Variants in FBXO34 observed in about 807,000 individuals in gnomAD.
FBXO34 encodes the protein F-box only protein 34.
In FBXO34, 12 loss-of-function variants were observed where a neutral mutation model predicts 24.5. The ratio of observed to expected loss-of-function variants is 0.49; its 90% CI spans 0.31 to 0.79. The LOEUF (loss-of-function observed/expected upper bound fraction) is 0.79, where lower values mean the gene tolerates loss of function less well. Among genes scored for constraint, FBXO34 ranks in the 30% least tolerant of loss-of-function variants. The pLI is 0.04. For synonymous variants in FBXO34, 320 were observed against 311.9 expected, an observed-to-expected ratio of 1.03 and a Z score of -0.27; for missense variants, 823 against 857.7, an observed-to-expected ratio of 0.96 and a Z score of 0.51.
At chr14:55,415,212 A>G in the FBXO34 span, among the ~76,000 whole-genome samples, 2 of 152,232 alleles carry the variant, frequency 1.3e-5, no homozygotes, top group African/African-American at 4.8e-5. Context: ...TCAGGACACT[A>G]ATCAGTTAAT....
At chr14:55,374,184 G>C (rs1180734309), downstream of FBXO34, among the ~76,000 whole-genome samples, 4 of 151,994 alleles carry the variant, frequency 2.6e-5, no homozygotes, top group Non-Finnish European at 5.9e-5. Flanking sequence ...AACTTGTTTT[G>C]AATTGCATTT....
chr14:55,332,926 G>A (rs550686514), intron 1 of FBXO34, among the ~76,000 whole-genome samples: 1 of 152,184 alleles, frequency 6.6e-6, no homozygotes, highest in African/African-American at 2.4e-5. Context: ...ATCAGCTGGC[G>A]CATTAGCCCC....
downstream of FBXO34, chr14:55,369,962 A>G (rs960136941): frequency 6.5e-6 from 10 of 1,530,606 alleles, no homozygotes; most frequent in Middle Eastern, 8.8e-4. Flanking sequence ...TAGGATAACA[A>G]CCATTCTCAA....
rs58194693 is a variant in FBXO34, at chr14:55,338,048, C to CTTTTTTTTTTT, written c.-10-12324_-10-12314dup. Among the ~76,000 whole-genome samples, 531 of 88,222 alleles carry CTTTTTTTTTTT rather than the reference C, an allele frequency of 6.0e-3. 74 individuals carry two copies. Among genetic ancestry groups the CTTTTTTTTTTT allele is most frequent in the South Asian group, 0.01 (24 of 2,390 alleles). 57.9% of individuals were successfully genotyped at this position (88,222 alleles called of 152,430 possible). ...CAATTGGAGATAAGAGTATGTACTT[C>CTTTTTTTTTTT]TTTTTTTTTTTTTTTTTTTGAGATG... is the stretch of plus-strand genomic sequence containing the variant. On this transcript the variant is annotated intron_variant, in intron 1 of 1. Coordinates refer to ENST00000313833, the MANE Select transcript of FBXO34 (RefSeq NM_017943.4).
chr14:55,380,855 G>A, the FBXO34 span, among the ~76,000 whole-genome samples: 52,255 of 116,424 alleles, frequency 0.45, 13,102 homozygotes, highest in African/African-American at 0.68. Flanking sequence ...TTCTTTGTGT[G>A]TATATATATA....
At chr14:55,439,930 C>CAAAAAAAAAAAAAAAA in the FBXO34 span, among the ~76,000 whole-genome samples, 77 of 39,170 alleles carry the variant, frequency 2.0e-3, 2 homozygotes, top group South Asian at 2.3e-3. Flanking sequence ...GACTCTGTCT[C>CAAAAAAAAAAAAAAAA]AAAAAAAAAA....
chr14:55,436,800 T>C, the FBXO34 span: 2 of 1,614,222 alleles, frequency 1.2e-6, no homozygotes, highest in Non-Finnish European at 1.7e-6. Context: ...TTTCAGAATT[T>C]TCTTCAGTTT....
At chr14:55,418,490 C>T in the FBXO34 span, among the ~76,000 whole-genome samples, 13 of 152,086 alleles carry the variant, frequency 8.5e-5, no homozygotes, top group African/African-American at 2.9e-4. Flanking sequence ...AGCATTGCAC[C>T]GCTCAAGTTA....
chr14:55,414,597 G>A, the FBXO34 span: 1 of 613,538 alleles, frequency 1.6e-6, no homozygotes, highest in Non-Finnish European at 2.6e-6. Flanking sequence ...ATTTATTCCG[G>A]GTAAATAATT....
At chr14:55,273,174 G>T (rs1446768911) in intron 1 of FBXO34, among the ~76,000 whole-genome samples, 2 of 146,236 alleles carry the variant, frequency 1.4e-5, no homozygotes, top group Admixed American at 6.8e-5. Flanking sequence ...TAATGGTACG[G>T]TTTTTTTTTT....
At chr14:55,440,530 A>C in the FBXO34 span, 1 of 1,605,494 alleles carries the variant, frequency 6.2e-7, no homozygotes, top group South Asian at 1.1e-5. Context: ...CGCTCCGGCC[A>C]GGGCGCAGAG....
At chr14:55,299,704 AATAC>A (rs1436418748) in intron 1 of FBXO34, among the ~76,000 whole-genome samples, 1 of 152,234 alleles carries the variant, frequency 6.6e-6, no homozygotes, top group Non-Finnish European at 1.5e-5. Flanking sequence ...AAAATATTAA[AATAC>A]ATTCAAGTTT....
At chr14:55,374,852 T>C (rs1349098598), downstream of FBXO34, among the ~76,000 whole-genome samples, 1 of 152,332 alleles carries the variant, frequency 6.6e-6, no homozygotes, top group East Asian at 1.9e-4. Context: ...TTTCTTCCTC[T>C]AATCACTCCA....
At chr14:55,336,458 C>T (rs1255331538) in intron 1 of FBXO34, among the ~76,000 whole-genome samples, 1 of 152,168 alleles carries the variant, frequency 6.6e-6, no homozygotes. Flanking sequence ...AACTCCAAAT[C>T]GGACAGTTTG....
intron 3 of FBXO34, among the ~76,000 whole-genome samples, chr14:55,359,654 A>G (rs1884567376): frequency 6.6e-6 from 1 of 152,214 alleles, no homozygotes; most frequent in Non-Finnish European, 1.5e-5. Flanking sequence ...AGTTTGCTGT[A>G]TCGATTAACT....
chr14:55,329,260 C>G (rs1016296109), intron 1 of FBXO34, among the ~76,000 whole-genome samples: 1 of 151,834 alleles, frequency 6.6e-6, no homozygotes, highest in African/African-American at 2.4e-5. Context: ...GTCGTAGACT[C>G]CTCTCCTTAA....
chr14:55,282,302 T>G, intron 1 of FBXO34: 2 of 449,174 alleles, frequency 4.5e-6, no homozygotes, highest in Non-Finnish European at 9.0e-6. Context: ...CAAATTTAGC[T>G]TTTTGACTCT....
chr14:55,394,705 A>T, the FBXO34 span, among the ~76,000 whole-genome samples: 1 of 152,222 alleles, frequency 6.6e-6, no homozygotes, highest in African/African-American at 2.4e-5. Context: ...TTTCTTTAGG[A>T]AACAGTTCTA....
At chr14:55,380,501 G>A in the FBXO34 span, 1 of 993,728 alleles carries the variant, frequency 1.0e-6, no homozygotes, top group Non-Finnish European at 1.5e-6. Flanking sequence ...TGGTTTATTG[G>A]AATAAATAAA....
Sources: allele counts gnomAD v4.1 joint callset (sites outside exome capture counted in the v4.1 genomes callset), GRCh38; gene constraint gnomAD v4.1.1; transcripts MANE v1.5; gene names NCBI Gene and HGNC (gene_info 2026-07-23, HGNC 2026-07-21).